The following SPAG4 variants were observed in gnomAD, a reference collection of about 807,000 sequenced individuals.
SPAG4 encodes sperm-associated antigen 4 protein.
Under a neutral mutation model 53.9 loss-of-function variants are expected in SPAG4, and 54 were observed. The ratio of observed to expected loss-of-function variants is 1.00; its 90% CI spans 0.80 to 1.26. The LOEUF (loss-of-function observed/expected upper bound fraction) is 1.26. Among genes scored for constraint, SPAG4 ranks in the 50% most tolerant of loss-of-function variants. The pLI, the probability that SPAG4 is intolerant of heterozygous loss-of-function variation, is 0.00. For missense variants in SPAG4, 548 were observed against 568.6 expected, an observed-to-expected ratio of 0.96 and a Z score of 0.37; for synonymous variants, 246 against 237.4, an observed-to-expected ratio of 1.04 and a Z score of -0.33.
chr20:35,618,527 T>A, intron 6 of SPAG4, 52 bp downstream of exon 6: 1 of 1,611,198 alleles, frequency 6.2e-7, no homozygotes, highest in African/African-American at 1.3e-5. Context: ...GTTGCTTCTT[T>A]GAGAACCTTG....
At position 35,616,160 on chromosome 20, in the gene SPAG4, C is replaced by T. The variant is rs1238119258; in HGVS notation, c.157C>T (p.Arg53Trp). Residue 53 changes from arginine to tryptophan, a missense_variant, in exon 1 of 12, where the codon CGG becomes TGG. Transcript: ENST00000374273. ...GPGEPEGRRA[R>W]GPSCGEPALS... ...TGGGGAGCCCGAGGGCAGAAGAGCC[C>T]GGGGCCCGAGCTGCGGTGAGCCCGC... 1 of 1,598,782 alleles carries T rather than the reference C, an allele frequency of 6.3e-7. No homozygotes were observed. The highest frequency in any genetic ancestry group is 8.5e-7 in the Non-Finnish European group (1 of 1,173,692).
intron 1 of SPAG4, among the ~76,000 whole-genome samples, chr20:35,616,684 C>A (rs1425708024): frequency 2.6e-5 from 4 of 150,994 alleles, no homozygotes; most frequent in African/African-American, 9.8e-5. Context: ...CCATGCCATG[C>A]AATGGCATGA....
intron 1 of SPAG4, 170 bp from the exon 2 acceptor site, chr20:35,616,966 G>T (rs1483412900): frequency 2.0e-5 from 12 of 599,124 alleles, no homozygotes; most frequent in Non-Finnish European, 3.6e-5. Context: ...CCTGAGGGGC[G>T]GGGCTTCAGA....
In SPAG4 at chr20:35,616,245, CGCCTCG is replaced by C. The variant is rs1365081401; in HGVS notation, c.244_249del (p.Pro82_Arg83del). The C allele has an allele frequency of 7.9e-6, 12 of 1,521,136 alleles. No homozygotes were observed. Among genetic ancestry groups the C allele is most frequent in the Non-Finnish European group, 7.9e-6 (9 of 1,138,512 alleles). 94.2% of individuals were successfully genotyped at this position (1,521,136 alleles called of 1,614,324 possible). On this transcript the variant is annotated inframe_deletion, in exon 1 of 12. Coordinates refer to ENST00000374273, the MANE Select transcript of SPAG4 (RefSeq NM_003116.3). Reference sequence around the variant, plus strand: ...GCAGGAAGCTCTCAGCAGAAGCCAGCGCCTCGGAGCCACAACTGGCAGACAGCCTGT... The same window carrying C: ...GCAGGAAGCTCTCAGCAGAAGCCAGCGAGCCACAACTGGCAGACAGCCTGT...
At chr20:35,619,128 C>A in intron 8 of SPAG4, 67 bp from the exon 9 acceptor site, 1 of 1,243,638 alleles carries the variant, frequency 8.0e-7, no homozygotes. Context: ...CCCCAGCCCC[C>A]GCGCCCCCGC....
chr20:35,617,373 T>C (rs1389376774), intron 2 of SPAG4, 133 bp downstream of exon 2: 1 of 943,070 alleles, frequency 1.1e-6, no homozygotes, highest in Non-Finnish European at 1.6e-6. Context: ...CTAGCCCCCA[T>C]CCAATTATCC....
rs1341447350 is a variant in SPAG4 at position 35,618,839 on chromosome 20, G to A, written c.718-84G>A. 2.7e-6 allele frequency: 4 copies of A among 1,478,666 alleles called. No individual in the cohort carries two copies. The African/African-American group carries it at 4.2e-5, about 15-fold the overall frequency. The allele number at this position is 1,478,666 out of a possible 1,614,324, so 91.6% of individuals were successfully genotyped here. ...CGGTGCCCACGAAGTCCATCCCAAAGCAACCAGCTCCCAGAGGTCCCGTCC... is the reference window on the plus strand; with the variant it reads ...CGGTGCCCACGAAGTCCATCCCAAAACAACCAGCTCCCAGAGGTCCCGTCC... On this transcript the variant is annotated intron_variant, in intron 7 of 11. Transcript: ENST00000374273.
Position 35,616,003 on chromosome 20 carries a change from G to T in SPAG4, c.-1G>T, listed in dbSNP as rs761604577. On this transcript the variant is annotated 5_prime_UTR_variant, in exon 1 of 12. Coordinates refer to ENST00000374273, the MANE Select transcript of SPAG4 (RefSeq NM_003116.3). ...CAGTGACTAGGCAGCAGGGGGTCAG[G>T]ATGCGGCGAAGCTCCCGCCCGGGCT... The T allele has an allele frequency of 1.9e-6, 3 of 1,610,850 alleles. No individual in the cohort carries two copies. The highest frequency in any genetic ancestry group is 4.5e-5 in the East Asian group (2 of 44,788).
chr20:35,620,643 T>G, intron 10 of SPAG4, 41 bp from the exon 11 acceptor site: 7 of 233,106 alleles, frequency 3.0e-5, no homozygotes, highest in Non-Finnish European at 4.7e-5. Context: ...CCGCCCCACC[T>G]GTCCCCCTCA....
Position 35,620,899 on chromosome 20 carries a change from C to G in SPAG4, c.1191C>G (p.Pro397=). Residue 397 remains proline, a synonymous_variant, in exon 12 of 12, where the codon CCC becomes CCG. Coordinates refer to ENST00000374273, the MANE Select transcript of SPAG4 (RefSeq NM_003116.3). The part of the protein sequence containing the change: ...HLQNDPPAAF[P]KVKIQILSNW... ...AGAATGACCCCCCAGCTGCCTTTCC[C>G]AAGGTGAAGATCCAGATTCTAAGCA... 1 of 1,614,196 alleles carries G rather than the reference C, an allele frequency of 6.2e-7. No homozygotes were observed.
In SPAG4 at chr20:35,618,100, G is replaced by A. The variant is rs776555733; in HGVS notation, c.552G>A (p.Gly184=). The stretch of plus-strand genomic sequence containing the variant: ...CTCTTTCTCCAGCATTCTGGCTGGG[G>A]CTTCTGTACCTGGTCTCTCCTTTGG... ...LSLFLSAFWL[G]LLYLVSPLEN... is the part of the protein sequence containing the mutation. Residue 184 remains glycine, a synonymous_variant, in exon 5 of 12, where the codon GGG becomes GGA. Coordinates refer to ENST00000374273, the MANE Select transcript of SPAG4 (RefSeq NM_003116.3). 14 of 1,613,702 alleles carry A rather than the reference G, an allele frequency of 8.7e-6. No individual in the cohort carries two copies. The highest frequency in any genetic ancestry group is 2.5e-6 in the Non-Finnish European group (3 of 1,179,888).
At position 35,619,200 on chromosome 20, in the gene SPAG4, T is replaced by C; in HGVS notation, c.799T>C (p.Ser267Pro). Residue 267 changes from serine to proline, a missense_variant, in exon 9 of 12, where the codon TCC becomes CCC. By Grantham distance (74) the Ser-to-Pro change is moderately conservative. Transcript: ENST00000374273. ...GTTACTTCTCACTGTTCCAGGAGCCTCCATCGACCTGCAGAAGACATCCCA... is the reference window on the plus strand; with the variant it reads ...GTTACTTCTCACTGTTCCAGGAGCCCCCATCGACCTGCAGAAGACATCCCA... ...PDYALSSVGA[S>P]IDLQKTSHDY... is the part of the protein sequence containing the mutation. The C allele has an allele frequency of 6.2e-7, 1 of 1,603,352 alleles. No individual in the cohort carries two copies. Among genetic ancestry groups the C allele is most frequent in the Non-Finnish European group, 8.5e-7 (1 of 1,175,482 alleles).
intron 6 of SPAG4, 44 bp from the exon 7 acceptor site, chr20:35,618,568 G>A (rs1241812446): frequency 6.3e-7 from 1 of 1,598,286 alleles, no homozygotes; most frequent in Non-Finnish European, 8.5e-7. Context: ...AGGTGTCCAG[G>A]GGGACAGGGA....
rs1250308666 is a variant in SPAG4, at chr20:35,619,131, G to GC, written c.794-59dup. ...GCCCCCACCCGCCCCCAGCCCCCGC[G>GC]CCCCCGCGCCCCGACTCCCGGCAAG... On this transcript the variant is annotated intron_variant, in intron 8 of 11. Coordinates refer to ENST00000374273, the MANE Select transcript of SPAG4 (RefSeq NM_003116.3). The GC allele has an allele frequency of 3.3e-3, 1,890 of 568,976 alleles. 4 individuals are homozygous for GC. Among genetic ancestry groups the GC allele is most frequent in the Non-Finnish European group, 3.9e-3 (1,470 of 378,488 alleles). 35.2% of individuals were successfully genotyped at this position (568,976 alleles called of 1,614,324 possible).
rs2031515165 is a variant in SPAG4 at position 35,619,735 on chromosome 20, T to C, written c.1066T>C (p.Phe356Leu). ...AGGAGCCAACAGCGCCCCCCGCGATTTCGCGGTCTTTGTGAGTGCGGACGA... is the reference window on the plus strand; with the variant it reads ...AGGAGCCAACAGCGCCCCCCGCGATCTCGCGGTCTTTGTGAGTGCGGACGA... Reference protein sequence around the residue: ...TGGANSAPRDFAVFGLQVYDE... With the variant: ...TGGANSAPRDLAVFGLQVYDE... Residue 356 changes from phenylalanine (F) to leucine (L), a missense_variant, in exon 10 of 12, where the codon TTC becomes CTC. By Grantham distance (22) the Phe-to-Leu change is conservative. Coordinates refer to ENST00000374273, the MANE Select transcript of SPAG4 (RefSeq NM_003116.3). 1 of 1,609,910 alleles carries C rather than the reference T, an allele frequency of 6.2e-7. No homozygotes were observed. Among genetic ancestry groups the C allele is most frequent in the Admixed American group, 1.7e-5 (1 of 59,930 alleles).
Position 35,617,841 on chromosome 20 carries a change from G to T in SPAG4, c.538+1G>T. The T allele has an allele frequency of 6.2e-7, 1 of 1,614,002 alleles. No individual in the cohort carries two copies. The highest frequency in any genetic ancestry group is 8.5e-7 in the Non-Finnish European group (1 of 1,179,910). On this transcript the variant is annotated splice_donor_variant, in intron 4 of 11. Transcript: ENST00000374273. LOFTEE classifies it high-confidence loss of function. ...TCGCTGCTGAGCCTCTTTCTGTCAGGTGAGGGGCAGTGAATTCCCTGGAGC... is the reference window on the plus strand; with the variant it reads ...TCGCTGCTGAGCCTCTTTCTGTCAGTTGAGGGGCAGTGAATTCCCTGGAGC...
chr20:35,615,975 C>G lies in SPAG4; in HGVS notation c.-29C>G. 6.2e-7 allele frequency: 1 copy of G among 1,605,144 alleles called. No individual in the cohort carries two copies. The highest frequency in any genetic ancestry group is 2.2e-5 in the East Asian group (1 of 44,586). On this transcript the variant is annotated 5_prime_UTR_variant, in exon 1 of 12. Transcript: ENST00000374273. ...TTGGCGACCGCAGCGGCGGCTTTAGCGTCAGTGACTAGGCAGCAGGGGGTC... is the reference window on the plus strand; with the variant it reads ...TTGGCGACCGCAGCGGCGGCTTTAGGGTCAGTGACTAGGCAGCAGGGGGTC...
At chr20:35,619,340 C>A (rs371314770) in intron 9 of SPAG4, 30 bp downstream of exon 9, 35 of 1,588,526 alleles carry the variant, frequency 2.2e-5, no homozygotes, top group Non-Finnish European at 3.0e-5. Context: ...GGGATGGGAC[C>A]CCGGGCGGGA....
rs1343721558 is a variant in SPAG4 at position 35,617,909 on chromosome 20, C to G, written c.538+69C>G. On this transcript the variant is annotated intron_variant, in intron 4 of 11. Transcript: ENST00000374273. ...TGGAGGCAAACCCAGCACATTTTCT[C>G]CTACATCCTCGGTCCTGCAGCTCCT... 2.0e-6 allele frequency: 3 copies of G among 1,515,216 alleles called. No homozygotes were observed. The African/African-American group carries it at 4.1e-5, about 21-fold the overall frequency. The allele number at this position is 1,515,216 out of a possible 1,614,324, so 93.9% of individuals were successfully genotyped here. A position where few individuals can be genotyped will look rare whatever the true frequency, so the allele number is the denominator to read the frequency against.
Sources: allele counts gnomAD v4.1 joint callset (sites outside exome capture counted in the v4.1 genomes callset), GRCh38; gene constraint gnomAD v4.1.1; transcripts MANE v1.5; gene names NCBI Gene and HGNC (gene_info 2026-07-23, HGNC 2026-07-21).